Variants in VEGFC observed in about 807,000 individuals in gnomAD.
VEGFC encodes FLT4 ligand DHM.
Under a neutral mutation model 46.1 loss-of-function variants are expected in VEGFC, and 12 were observed. The observed-to-expected ratio is 0.26, with a 90% CI of 0.17 to 0.42. The LOEUF is 0.42. VEGFC is among the 10% of genes least tolerant of loss of function. The probability of loss-of-function intolerance (pLI) is 1.00; values close to 1 mark genes in which losing one functional copy is unlikely to be tolerated. For missense variants in VEGFC, 488 were observed against 529.4 expected (o/e 0.92, Z 0.77); for synonymous variants, 232 against 195.5 (o/e 1.19, Z -1.56).
At chr4:176,777,977 AT>A (rs1735843671) in intron 1 of VEGFC, among the ~76,000 whole-genome samples, 1 of 139,688 alleles carries the variant, frequency 7.2e-6, no homozygotes, top group African/African-American at 2.5e-5. Flanking sequence ...TAGAGGATCT[AT>A]TTTATAGTCA....
rs1735961067 is a variant in VEGFC at position 176,784,119 on chromosome 4, C to A, written c.147+8046G>T. On this transcript the variant is annotated intron_variant, in intron 1 of 6. Transcript: ENST00000618562. Reference sequence around the variant, plus strand: ...TCACTCTGTTGCCCAGGCTGGAGTGCAGTGGGGTGATCTCAGCTCACTCAC... The same window carrying A: ...TCACTCTGTTGCCCAGGCTGGAGTGAAGTGGGGTGATCTCAGCTCACTCAC... 2.1e-5 allele frequency among the ~76,000 whole-genome samples: 3 copies of A among 141,052 alleles called. No individual in the cohort carries two copies. In the Admixed American group the frequency reaches 2.2e-4, roughly 11 times the overall value. 92.5% of individuals were successfully genotyped at this position (141,052 alleles called of 152,430 possible). A position where few individuals can be genotyped will look rare whatever the true frequency, so the allele number is the denominator to read the frequency against.
intron 1 of VEGFC, among the ~76,000 whole-genome samples, chr4:176,752,741 G>T (rs1317558461): frequency 2.0e-5 from 3 of 152,040 alleles, no homozygotes; most frequent in Admixed American, 2.0e-4. Context: ...TAAGAAATAG[G>T]ACTTTCCCAT....
intron 1 of VEGFC, among the ~76,000 whole-genome samples, chr4:176,737,609 T>C (rs2111027146): frequency 6.6e-6 from 1 of 151,542 alleles, no homozygotes; most frequent in African/African-American, 2.4e-5. Context: ...ATTCAGATTC[T>C]GAACAGAATA....
intron 1 of VEGFC, among the ~76,000 whole-genome samples, chr4:176,752,246 A>G (rs1735354836): frequency 6.6e-6 from 1 of 152,032 alleles, no homozygotes; most frequent in African/African-American, 2.4e-5. Flanking sequence ...AAAATGGCAG[A>G]CAGGCTGCCC....
chr4:176,774,374 T>TGTAA (rs57366263), intron 1 of VEGFC, among the ~76,000 whole-genome samples: 15,568 of 152,088 alleles, frequency 0.1, 1,924 homozygotes, highest in African/African-American at 0.29. Flanking sequence ...GAGAAGAATA[T>TGTAA]GTAACATCAT....
At chr4:176,705,387 G>A (rs188348068) in intron 4 of VEGFC, among the ~76,000 whole-genome samples, 1 of 152,050 alleles carries the variant, frequency 6.6e-6, no homozygotes, top group South Asian at 2.1e-4. Flanking sequence ...TATGAAAATT[G>A]GTATCTAACT....
At chr4:176,763,209 C>A (rs1031016896) in intron 1 of VEGFC, among the ~76,000 whole-genome samples, 1 of 152,196 alleles carries the variant, frequency 6.6e-6, no homozygotes, top group Non-Finnish European at 1.5e-5. Context: ...TAGAGAAATT[C>A]ATCTTCAACT....
At chr4:176,689,473 C>T (rs1056642611) in intron 4 of VEGFC, 1 of 152,196 alleles carries the variant, frequency 6.6e-6, no homozygotes, top group Non-Finnish European at 1.5e-5. Context: ...GCTTTCCTGT[C>T]CAGCAAGTCT....
At chr4:176,752,315 CAA>C (rs1735355941) in intron 1 of VEGFC, among the ~76,000 whole-genome samples, 1 of 152,022 alleles carries the variant, frequency 6.6e-6, no homozygotes, top group Admixed American at 6.6e-5. Flanking sequence ...ATAAAGGCCT[CAA>C]GAGTCACTCT....
chr4:176,789,790 C>T (rs114748882), intron 1 of VEGFC, among the ~76,000 whole-genome samples: 3,667 of 152,166 alleles, frequency 0.024, 130 homozygotes, highest in African/African-American at 0.083. Context: ...TGATTTTTAC[C>T]TACAATCTTT....
chr4:176,790,556 G>A (rs897846128), intron 1 of VEGFC, among the ~76,000 whole-genome samples: 1 of 151,532 alleles, frequency 6.6e-6, no homozygotes, highest in Non-Finnish European at 1.5e-5. Context: ...CACACTCAAG[G>A]TACATTAATT....
At chr4:176,691,947 G>T (rs557610642) in intron 4 of VEGFC, among the ~76,000 whole-genome samples, 127 of 152,252 alleles carry the variant, frequency 8.3e-4, no homozygotes, top group Admixed American at 2.0e-3. Flanking sequence ...TGCACGCACC[G>T]TGCGCGAGCC....
chr4:176,742,379 T>TG (rs1219483981), intron 1 of VEGFC, among the ~76,000 whole-genome samples: 12 of 152,112 alleles, frequency 7.9e-5, no homozygotes, highest in African/African-American at 2.4e-4. Context: ...TTAAAAATAG[T>TG]GCTGCGATAA....
At position 176,792,504 on chromosome 4, in the gene VEGFC, C is replaced by CA. The variant is rs1736119441; in HGVS notation, c.-194dup. On this transcript the variant is annotated 5_prime_UTR_variant, in exon 1 of 7. Transcript: ENST00000618562. This position sits in a 1 kb window ranked among gnomAD's most constrained non-coding sequence, Gnocchi z 6.3. ...TTCCCAACTTTGCAGGGCGCCCTCC[C>CA]AGCCAGTGCCGGGGAAAGGCGGCGG... 2.4e-6 allele frequency: 1 copy of CA among 416,548 alleles called. No individual in the cohort carries two copies. The highest frequency in any genetic ancestry group is 2.1e-5 in the African/African-American group (1 of 48,034). The allele number at this position is 416,548 out of a possible 1,614,324, so 25.8% of individuals were successfully genotyped here. A position where few individuals can be genotyped will look rare whatever the true frequency, so the allele number is the denominator to read the frequency against.
rs138054052 is a variant in VEGFC, at chr4:176,723,953, TG to T, written c.552+3824del. 8.8e-4 allele frequency among the ~76,000 whole-genome samples: 134 copies of T among 152,200 alleles called. 3 individuals carry two copies. The East Asian group carries it at 0.025, about 29-fold the overall frequency. On this transcript the variant is annotated intron_variant, in intron 3 of 6. Transcript: ENST00000618562. ...AATAGGTAAACTTTTATTTTAGGTTTGGGGGTGCATGTGCAGGTTTGTGACA... is the reference window on the plus strand; with the variant it reads ...AATAGGTAAACTTTTATTTTAGGTTTGGGGTGCATGTGCAGGTTTGTGACA...
At chr4:176,751,306 G>A (rs1244619184) in intron 1 of VEGFC, among the ~76,000 whole-genome samples, 2 of 151,856 alleles carry the variant, frequency 1.3e-5, no homozygotes, top group Non-Finnish European at 2.9e-5. Flanking sequence ...ATTGAAACGC[G>A]AATAGCTCTT....
intron 4 of VEGFC, among the ~76,000 whole-genome samples, chr4:176,697,222 C>G (rs1001354118): frequency 1.3e-5 from 2 of 150,220 alleles, no homozygotes; most frequent in Admixed American, 6.6e-5. Context: ...AGAAAATTTT[C>G]ACAACCTACT....
At chr4:176,724,693 A>C (rs1325105306) in intron 3 of VEGFC, among the ~76,000 whole-genome samples, 1 of 152,182 alleles carries the variant, frequency 6.6e-6, no homozygotes, top group Non-Finnish European at 1.5e-5. Context: ...GAGCAGAGGA[A>C]ACACGATGAT....
At chr4:176,778,320 C>T (rs899136709) in intron 1 of VEGFC, among the ~76,000 whole-genome samples, 5 of 151,852 alleles carry the variant, frequency 3.3e-5, no homozygotes, top group Non-Finnish European at 7.4e-5. Flanking sequence ...CACAGAATTT[C>T]GATTGCTATT....
Sources: allele counts gnomAD v4.1 joint callset (sites outside exome capture counted in the v4.1 genomes callset), GRCh38; gene constraint gnomAD v4.1.1; non-coding constraint Gnocchi (gnomAD v3.1); transcripts MANE v1.5; gene names NCBI Gene and HGNC (gene_info 2026-07-23, HGNC 2026-07-21).